Variants in CYP4X1 observed in about 807,000 individuals in gnomAD.
CYP4X1 encodes cytochrome P450 4X1.
A neutral mutation model predicts 57.9 loss-of-function variants in CYP4X1; 44 were observed. The ratio of observed to expected loss-of-function variants is 0.76; its 90% confidence interval spans 0.60 to 0.98. The LOEUF (loss-of-function observed/expected upper bound fraction) is 0.98. Ranked by LOEUF, CYP4X1 falls within the 50% of genes least tolerant of loss-of-function variation. The pLI is 0.00. For missense variants in CYP4X1, 532 were observed against 623.9 expected (o/e 0.85, Z 1.57); for synonymous variants, 227 against 228.6 (o/e 0.99, Z 0.06).
At chr1:47,044,251 C>T (rs888534718) in intron 8 of CYP4X1, among the ~76,000 whole-genome samples, 7 of 151,948 alleles carry the variant, frequency 4.6e-5, no homozygotes, top group Non-Finnish European at 8.8e-5. Context: ...TCTTTTGTTG[C>T]TCTACTATAG....
Position 47,023,845 on chromosome 1 carries a change from T to G in CYP4X1, c.28T>G (p.Trp10Gly), listed in dbSNP as rs780418220. MEFSWLETR[W>G]ARPFYLAFVF... Reference sequence around the variant, plus strand: ...GGAATTCTCCTGGCTGGAGACGCGCTGGGCGCGGCCCTTTTACCTGGCGTT... The same window carrying G: ...GGAATTCTCCTGGCTGGAGACGCGCGGGGCGCGGCCCTTTTACCTGGCGTT... The change falls in exon 1 of 12, where the codon TGG becomes GGG. Residue 10 changes from tryptophan to glycine, a missense_variant. Physicochemically the swap from Trp to Gly is radical, Grantham distance 184. Transcript: ENST00000371901. 22 of 1,613,254 alleles carry G rather than the reference T, an allele frequency of 1.4e-5. No homozygotes were observed. In the East Asian group the frequency reaches 4.0e-4, roughly 29 times the overall value.
chr1:46,993,050 T>C, the CYP4X1 span, among the ~76,000 whole-genome samples: 1 of 151,802 alleles, frequency 6.6e-6, no homozygotes, highest in African/African-American at 2.4e-5. Context: ...TCATTTAACA[T>C]TGGGTATATC....
At chr1:46,986,110 G>A in the CYP4X1 span, among the ~76,000 whole-genome samples, 3 of 152,146 alleles carry the variant, frequency 2.0e-5, no homozygotes, top group Admixed American at 2.0e-4. Flanking sequence ...ATGCAAGAAA[G>A]TCAAGAACCT....
chr1:46,961,964 T>C, the CYP4X1 span, among the ~76,000 whole-genome samples: 2 of 152,114 alleles, frequency 1.3e-5, no homozygotes, highest in Admixed American at 6.5e-5. Context: ...CCCAGGCACT[T>C]TCTCTTGCCA....
At chr1:47,023,624 G>A, upstream of CYP4X1, 2 of 1,324,530 alleles carry the variant, frequency 1.5e-6, no homozygotes, top group South Asian at 2.3e-5. Flanking sequence ...TAGAAATCCC[G>A]CACGCGCGCC....
chr1:46,973,307 T>G, the CYP4X1 span, among the ~76,000 whole-genome samples: 165 of 152,356 alleles, frequency 1.1e-3, no homozygotes, highest in African/African-American at 3.8e-3. Flanking sequence ...AGCTTTTGGA[T>G]GTGCTGCTGG....
At chr1:46,990,899 G>A in the CYP4X1 span, among the ~76,000 whole-genome samples, 1 of 152,166 alleles carries the variant, frequency 6.6e-6, no homozygotes, top group East Asian at 1.9e-4. Flanking sequence ...GGGGCCTGTT[G>A]GGGGCGGGGG....
downstream of CYP4X1, among the ~76,000 whole-genome samples, chr1:47,055,380 C>T (rs1644387703): frequency 6.6e-6 from 1 of 152,016 alleles, no homozygotes; most frequent in Admixed American, 6.6e-5. Context: ...TTAAAATTCT[C>T]TTTTTTTGTT....
At chr1:46,992,952 T>C in the CYP4X1 span, among the ~76,000 whole-genome samples, 21 of 152,308 alleles carry the variant, frequency 1.4e-4, no homozygotes, top group South Asian at 1.9e-3. Flanking sequence ...TTTATTACAC[T>C]TTAAGTTTTA....
upstream of CYP4X1, among the ~76,000 whole-genome samples, chr1:47,021,796 C>A (rs1369258954): frequency 2.0e-5 from 3 of 152,204 alleles, no homozygotes; most frequent in Admixed American, 2.0e-4. Flanking sequence ...CCAGCAAGAA[C>A]CTGGGTGGGA....
At chr1:47,000,009 G>A in the CYP4X1 span, among the ~76,000 whole-genome samples, 1 of 152,002 alleles carries the variant, frequency 6.6e-6, no homozygotes, top group East Asian at 1.9e-4. Context: ...GGGCCGGGGT[G>A]GAATGATGTG....
intron 11 of CYP4X1, among the ~76,000 whole-genome samples, chr1:47,049,733 C>T (rs1365410113): frequency 2.6e-5 from 4 of 152,124 alleles, no homozygotes; most frequent in East Asian, 1.9e-4. Flanking sequence ...TGCTCATAGG[C>T]TCAATGCAGT....
the CYP4X1 span, among the ~76,000 whole-genome samples, chr1:47,002,230 T>C: frequency 6.6e-6 from 1 of 152,350 alleles, no homozygotes; most frequent in South Asian, 2.1e-4. Context: ...GTTATCTCTC[T>C]TTTCCCATCA....
At chr1:47,038,205 A>G (rs928632495) in intron 6 of CYP4X1, among the ~76,000 whole-genome samples, 1 of 152,212 alleles carries the variant, frequency 6.6e-6, no homozygotes, top group African/African-American at 2.4e-5. Flanking sequence ...TGTATCTAAA[A>G]TAAAAGTTGA....
chr1:47,038,641 A>G lies in CYP4X1; in HGVS notation c.776-19A>G. 1 of 1,571,590 alleles carries G rather than the reference A, an allele frequency of 6.4e-7. No individual in the cohort carries two copies. Among genetic ancestry groups the G allele is most frequent in the Non-Finnish European group, 8.6e-7 (1 of 1,158,510 alleles). On this transcript the variant is annotated intron_variant, in intron 6 of 11. Transcript: ENST00000371901. ...ACTTTGCCATCACTTTGGTAATTGG[A>G]AACTATTTTTCTACCCAGATACAAT...
At chr1:46,986,616 G>A in the CYP4X1 span, among the ~76,000 whole-genome samples, 6 of 152,128 alleles carry the variant, frequency 3.9e-5, no homozygotes, top group African/African-American at 1.2e-4. Flanking sequence ...AGGAAAAAAT[G>A]TTAAGGGCAG....
chr1:46,998,166 T>TC, the CYP4X1 span, among the ~76,000 whole-genome samples: 3 of 141,982 alleles, frequency 2.1e-5, no homozygotes, highest in Admixed American at 2.2e-4. Flanking sequence ...TGTAGGTTTT[T>TC]CTGTTTGTTT....
the CYP4X1 span, among the ~76,000 whole-genome samples, chr1:46,983,397 TAG>T: frequency 3.3e-5 from 5 of 152,222 alleles, no homozygotes; most frequent in East Asian, 9.6e-4. Context: ...TGTGCCATGT[TAG>T]AGTTGCCAGC....
At chr1:47,010,708 CAA>C in the CYP4X1 span, among the ~76,000 whole-genome samples, 1 of 152,196 alleles carries the variant, frequency 6.6e-6, no homozygotes. Context: ...GCAACTTCAG[CAA>C]AGTCTCAGGA....
Sources: allele counts gnomAD v4.1 joint callset (sites outside exome capture counted in the v4.1 genomes callset), GRCh38; gene constraint gnomAD v4.1.1; transcripts MANE v1.5; gene names NCBI Gene and HGNC (gene_info 2026-07-23, HGNC 2026-07-21).